SLCO3A1: variants seen among roughly 807,000 people sequenced by gnomAD.
SLCO3A1 encodes the protein PGE1 transporter.
A neutral mutation model predicts 63.1 loss-of-function variants in SLCO3A1; 27 were observed. That is an observed-to-expected ratio of 0.43 (90% CI 0.32 to 0.59). The LOEUF is 0.59. Among genes scored for constraint, SLCO3A1 ranks in the 20% least tolerant of loss-of-function variants. The probability of loss-of-function intolerance (pLI) is 0.09; values close to 1 mark genes in which losing one functional copy is unlikely to be tolerated. For missense variants in SLCO3A1, 773 were observed against 945.8 expected (o/e 0.82, Z 2.40); for synonymous variants, 473 against 409.9 (o/e 1.15, Z -1.86).
intron 2 of SLCO3A1, among the ~76,000 whole-genome samples, chr15:91,974,614 G>C (rs1276207415): frequency 1.3e-5 from 2 of 152,122 alleles, no homozygotes; most frequent in Non-Finnish European, 2.9e-5. Flanking sequence ...GGGCAGGGAG[G>C]CGGGAGGTGG....
chr15:92,089,168 A>G (rs1027541722), intron 2 of SLCO3A1, among the ~76,000 whole-genome samples: 13 of 152,026 alleles, frequency 8.6e-5, no homozygotes, highest in Non-Finnish European at 1.5e-4. Context: ...TGTTGACTAC[A>G]GGCACCTGCC....
intron 2 of SLCO3A1, among the ~76,000 whole-genome samples, chr15:91,985,030 T>C (rs564847024): frequency 1.3e-3 from 197 of 152,236 alleles, no homozygotes; most frequent in Middle Eastern, 6.8e-3. Context: ...AACATGAATT[T>C]TCACAAAATT....
chr15:92,155,998 T>C lies in SLCO3A1; in HGVS notation c.1753+4984T>C, dbSNP rs142906380. Among the ~76,000 whole-genome samples, 642 of 152,264 alleles carry C rather than the reference T, an allele frequency of 4.2e-3. 5 individuals are homozygous for C. Among genetic ancestry groups the C allele is most frequent in the African/African-American group, 0.015 (617 of 41,554 alleles). ...AGGGAAGGCCCTCGGGGTGCATTTC[T>C]GTAGGCAGGGGTCATTCCTGAGCAG... On this transcript the variant is annotated intron_variant, in intron 9 of 9. Coordinates refer to ENST00000318445, the MANE Select transcript of SLCO3A1 (RefSeq NM_013272.4).
intron 2 of SLCO3A1, among the ~76,000 whole-genome samples, chr15:91,988,603 C>T (rs2046085685): frequency 6.6e-6 from 1 of 151,960 alleles, no homozygotes; most frequent in Non-Finnish European, 1.5e-5. Flanking sequence ...GGTTTTTGAA[C>T]TTGAGGGGAA....
At chr15:92,007,332 C>T (rs2046323735) in intron 2 of SLCO3A1, among the ~76,000 whole-genome samples, 1 of 152,190 alleles carries the variant, frequency 6.6e-6, no homozygotes, top group Admixed American at 6.5e-5. Context: ...ATGGCAGACT[C>T]TGAGCTTGAG....
chr15:92,119,444 T>C (rs1032106070), intron 4 of SLCO3A1, among the ~76,000 whole-genome samples: 53 of 152,188 alleles, frequency 3.5e-4, no homozygotes, highest in African/African-American at 3.1e-4. Context: ...CCAGCTTTCA[T>C]AGAAGCCCTG....
At chr15:92,168,038 A>G (rs1038691450), downstream of SLCO3A1, among the ~76,000 whole-genome samples, 1 of 152,250 alleles carries the variant, frequency 6.6e-6, no homozygotes, top group African/African-American at 2.4e-5. Flanking sequence ...GCCAAGCCCT[A>G]GATCAGATGC....
At chr15:91,922,619 C>T (rs756605906) in intron 2 of SLCO3A1, among the ~76,000 whole-genome samples, 1 of 152,150 alleles carries the variant, frequency 6.6e-6, no homozygotes. Context: ...TGTGTTTTAA[C>T]TCTCCAAAGA....
chr15:91,944,508 G>A (rs145427375), intron 2 of SLCO3A1, among the ~76,000 whole-genome samples: 1 of 152,196 alleles, frequency 6.6e-6, no homozygotes, highest in African/African-American at 2.4e-5. Flanking sequence ...TGGCTTCTGT[G>A]CTTACTTAGC....
chr15:92,136,117 A>T (rs2048054080), intron 7 of SLCO3A1, among the ~76,000 whole-genome samples: 1 of 152,226 alleles, frequency 6.6e-6, no homozygotes, highest in Admixed American at 6.5e-5. Flanking sequence ...CTCTGAAAAA[A>T]GGAAAGAGAA....
At chr15:91,932,057 A>G (rs1056762706) in intron 2 of SLCO3A1, among the ~76,000 whole-genome samples, 3 of 151,674 alleles carry the variant, frequency 2.0e-5, no homozygotes, top group Admixed American at 2.0e-4. Flanking sequence ...GAGAGTGCAT[A>G]TCGTATGCAA....
At chr15:91,973,386 A>G (rs1207096952) in intron 2 of SLCO3A1, among the ~76,000 whole-genome samples, 1 of 152,260 alleles carries the variant, frequency 6.6e-6, no homozygotes, top group Non-Finnish European at 1.5e-5. Flanking sequence ...GAGGACACAC[A>G]GCTAGTAAGG....
chr15:91,964,226 C>T (rs996244334), intron 2 of SLCO3A1, among the ~76,000 whole-genome samples: 2 of 152,056 alleles, frequency 1.3e-5, no homozygotes, highest in Admixed American at 1.3e-4. Context: ...TGGAATGTTC[C>T]ATTAATCACA....
chr15:91,994,599 TAAGAG>T (rs2046168164), intron 2 of SLCO3A1, among the ~76,000 whole-genome samples: 1 of 149,722 alleles, frequency 6.7e-6, no homozygotes, highest in Non-Finnish European at 1.5e-5. Context: ...AGGGTTAAGT[TAAGAG>T]AAGAGTGAAC....
chr15:91,910,052 T>C (rs998857011), intron 1 of SLCO3A1, among the ~76,000 whole-genome samples: 1 of 152,166 alleles, frequency 6.6e-6, no homozygotes, highest in South Asian at 2.1e-4. Flanking sequence ...AGCCTCAGTC[T>C]GGCCTTCAAG....
intron 2 of SLCO3A1, among the ~76,000 whole-genome samples, chr15:91,949,510 A>G (rs1272331717): frequency 6.6e-6 from 1 of 152,024 alleles, no homozygotes; most frequent in East Asian, 1.9e-4. Context: ...TGTACCTGTA[A>G]TCCTAGCTAC....
At chr15:91,974,311 T>C (rs966191853) in intron 2 of SLCO3A1, among the ~76,000 whole-genome samples, 1 of 144,416 alleles carries the variant, frequency 6.9e-6, no homozygotes, top group Non-Finnish European at 1.5e-5. Context: ...TCTCTAAGCC[T>C]TCTTAGCATT....
intron 2 of SLCO3A1, among the ~76,000 whole-genome samples, chr15:92,013,338 G>C (rs1019973688): frequency 6.6e-5 from 10 of 152,242 alleles, no homozygotes; most frequent in African/African-American, 2.2e-4. Flanking sequence ...GAGTCACACA[G>C]GTGCTGCGGC....
chr15:91,898,629 A>T (rs1284017869), intron 1 of SLCO3A1, among the ~76,000 whole-genome samples: 1 of 151,852 alleles, frequency 6.6e-6, no homozygotes, highest in Non-Finnish European at 1.5e-5. Context: ...GTGGGTTGAC[A>T]TCTTCTTCTT....
Sources: gnomAD v4.1 joint callset for allele counts (sites outside exome capture counted in the v4.1 genomes callset) on GRCh38, gnomAD v4.1.1 for gene constraint, MANE v1.5 for transcripts, NCBI Gene and HGNC (gene_info 2026-07-23, HGNC 2026-07-21) for gene names.